The following CNTNAP2 variants were observed in gnomAD, a reference collection of about 807,000 sequenced individuals.
CNTNAP2 encodes the protein contactin associated protein 2.
A neutral mutation model predicts 155.2 loss-of-function variants in CNTNAP2; 98 were observed. The ratio of observed to expected loss-of-function variants is 0.63; its 90% CI spans 0.54 to 0.75. The LOEUF (loss-of-function observed/expected upper bound fraction) is 0.75. Among genes scored for constraint, CNTNAP2 ranks in the 30% least tolerant of loss-of-function variants. The probability of loss-of-function intolerance (pLI) is 0.00; values close to 1 mark genes in which losing one functional copy is unlikely to be tolerated. For missense variants in CNTNAP2, 1,727 were observed against 1,688.1 expected, an observed-to-expected ratio of 1.02 and a Z score of -0.40; for synonymous variants, 651 against 631.2, an observed-to-expected ratio of 1.03 and a Z score of -0.47.
chr7:147,580,560 T>C (rs977191087), intron 12 of CNTNAP2, among the ~76,000 whole-genome samples: 2 of 77,360 alleles, frequency 2.6e-5, no homozygotes, highest in African/African-American at 1.4e-4. Flanking sequence ...AAACACCTTG[T>C]ATTGCTGTCT....
At chr7:147,239,761 G>A (rs558793755) in intron 8 of CNTNAP2, among the ~76,000 whole-genome samples, 1 of 152,180 alleles carries the variant, frequency 6.6e-6, no homozygotes, top group East Asian at 1.9e-4. Flanking sequence ...GATTTTCCAT[G>A]AATCTACAAC....
chr7:148,089,969 T>C (rs1431597327), intron 15 of CNTNAP2, among the ~76,000 whole-genome samples: 1 of 151,808 alleles, frequency 6.6e-6, no homozygotes, highest in Non-Finnish European at 1.5e-5. Flanking sequence ...AGAAATAAAT[T>C]AATGCATTTA....
intron 21 of CNTNAP2, among the ~76,000 whole-genome samples, chr7:148,348,699 C>T (rs1224448242): frequency 1.3e-5 from 2 of 152,220 alleles, no homozygotes; most frequent in Non-Finnish European, 2.9e-5. Context: ...AGGCATCTGT[C>T]TTTCATACCC....
At chr7:148,389,448 G>A (rs11982883) in intron 22 of CNTNAP2, among the ~76,000 whole-genome samples, 38,416 of 152,076 alleles carry the variant, frequency 0.25, 5,555 homozygotes, top group Non-Finnish European at 0.33. Flanking sequence ...CTCGCCAGCC[G>A]TGTGGAACTG....
At chr7:146,275,911 G>A (rs1800156364) in intron 1 of CNTNAP2, among the ~76,000 whole-genome samples, 3 of 152,172 alleles carry the variant, frequency 2.0e-5, no homozygotes, top group African/African-American at 7.2e-5. Context: ...AATGCCTGGA[G>A]ACATTTTTGT....
chr7:147,130,921 C>A (rs1400569036), intron 7 of CNTNAP2, among the ~76,000 whole-genome samples: 2 of 151,916 alleles, frequency 1.3e-5, no homozygotes, highest in Non-Finnish European at 2.9e-5. Context: ...TAAAAATAAT[C>A]ATCTGTGATG....
At chr7:146,141,152 G>A (rs771310370) in intron 1 of CNTNAP2, among the ~76,000 whole-genome samples, 8 of 152,184 alleles carry the variant, frequency 5.3e-5, no homozygotes, top group Non-Finnish European at 8.8e-5. Context: ...ATTTCAGAAA[G>A]TCACAGATAC....
At chr7:147,682,235 CT>C (rs946497055) in intron 13 of CNTNAP2, among the ~76,000 whole-genome samples, 1 of 151,752 alleles carries the variant, frequency 6.6e-6, no homozygotes, top group African/African-American at 2.4e-5. Flanking sequence ...TGAGATTAAG[CT>C]GCAGTTAATT....
intron 12 of CNTNAP2, among the ~76,000 whole-genome samples, chr7:147,602,983 T>C (rs1333099983): frequency 6.6e-6 from 1 of 152,188 alleles, no homozygotes; most frequent in African/African-American, 2.4e-5. Flanking sequence ...TGATTTATAG[T>C]CCTTTGGGTA....
At chr7:147,781,737 A>G (rs755671682) in intron 13 of CNTNAP2, among the ~76,000 whole-genome samples, 1 of 152,168 alleles carries the variant, frequency 6.6e-6, no homozygotes, top group Non-Finnish European at 1.5e-5. Context: ...AGAATCCTCC[A>G]TTCAGGCCGG....
intron 21 of CNTNAP2, among the ~76,000 whole-genome samples, chr7:148,315,515 T>G (rs1050318033): frequency 6.6e-6 from 1 of 152,108 alleles, no homozygotes; most frequent in African/African-American, 2.4e-5. Context: ...TTCACTTCTT[T>G]TGTAGTGGAA....
intron 8 of CNTNAP2, among the ~76,000 whole-genome samples, chr7:147,165,237 C>G (rs1211600860): frequency 6.6e-6 from 1 of 152,022 alleles, no homozygotes; most frequent in African/African-American, 2.4e-5. Context: ...ATTTGTACTT[C>G]CCTGATCATT....
chr7:148,308,544 T>A (rs1797530757), intron 21 of CNTNAP2, among the ~76,000 whole-genome samples: 1 of 124,136 alleles, frequency 8.1e-6, no homozygotes, highest in African/African-American at 3.0e-5. Context: ...CATTTTAACC[T>A]ATTTATGTAT....
At chr7:146,574,046 C>T (rs1476714640) in intron 1 of CNTNAP2, among the ~76,000 whole-genome samples, 1 of 152,110 alleles carries the variant, frequency 6.6e-6, no homozygotes, top group Non-Finnish European at 1.5e-5. Flanking sequence ...CTCACTGGAA[C>T]ATGCTAAGAG....
chr7:146,126,454 T>A (rs1797639322), intron 1 of CNTNAP2, among the ~76,000 whole-genome samples: 3 of 152,236 alleles, frequency 2.0e-5, no homozygotes, highest in Admixed American at 2.0e-4. Context: ...TTTTTGTTCT[T>A]CTTCACAATA....
chr7:146,921,846 A>G (rs1260820496), intron 3 of CNTNAP2, among the ~76,000 whole-genome samples: 1 of 152,150 alleles, frequency 6.6e-6, no homozygotes, highest in East Asian at 1.9e-4. Context: ...AAGACATAGT[A>G]CTGTGCCTGA....
intron 3 of CNTNAP2, among the ~76,000 whole-genome samples, chr7:147,005,210 C>T (rs1280669250): frequency 6.6e-6 from 1 of 152,098 alleles, no homozygotes; most frequent in East Asian, 1.9e-4. Flanking sequence ...CTCTGATTTT[C>T]TATCCACGGG....
chr7:147,787,695 T>C (rs1202372661), intron 13 of CNTNAP2, among the ~76,000 whole-genome samples: 1 of 152,198 alleles, frequency 6.6e-6, no homozygotes, highest in Admixed American at 6.5e-5. Context: ...AAATCAGTGC[T>C]GAGAAAGCTA....
In CNTNAP2 at chr7:147,520,072, A is replaced by G. The variant is rs1183028323; in HGVS notation, c.1777+34031A>G. ...TTTGGAAGGCTTCTTTCCAAAAATA[A>G]TCTTTTAGAAAAAGTCTTTCCAAAG... On this transcript the variant is annotated intron_variant, in intron 11 of 23. Coordinates refer to ENST00000361727, the MANE Select transcript of CNTNAP2 (RefSeq NM_014141.6). Among the ~76,000 whole-genome samples the G allele has an allele frequency of 5.3e-5, 8 of 152,258 alleles. No homozygotes were observed. In the East Asian group the frequency reaches 1.5e-3, roughly 29 times the overall value.
Sources: gnomAD v4.1 joint callset for allele counts (sites outside exome capture counted in the v4.1 genomes callset) on GRCh38, gnomAD v4.1.1 for gene constraint, MANE v1.5 for transcripts, NCBI Gene and HGNC (gene_info 2026-07-23, HGNC 2026-07-21) for gene names.